The following RBFOX2 variants were observed in gnomAD, a reference collection of about 807,000 sequenced individuals.
RBFOX2 encodes RNA binding protein fox-1 homolog 2.
Under a neutral mutation model 49.1 loss-of-function variants are expected in RBFOX2, and 10 were observed. The observed-to-expected ratio is 0.20, with a 90% confidence interval of 0.13 to 0.35. The LOEUF (loss-of-function observed/expected upper bound fraction) is 0.35. Among genes scored for constraint, RBFOX2 ranks in the 10% least tolerant of loss-of-function variants. RBFOX2 has a pLI of 1.00. For missense variants in RBFOX2, 323 were observed against 486.9 expected (o/e 0.66, Z 3.17); for synonymous variants, 183 against 187.4 (o/e 0.98, Z 0.19).
At chr22:35,913,318 T>C (rs1048762723) in intron 1 of RBFOX2, among the ~76,000 whole-genome samples, 1 of 151,906 alleles carries the variant, frequency 6.6e-6, no homozygotes, top group African/African-American at 2.4e-5. Context: ...TCTCTATTTT[T>C]AAAAAGTAAA....
chr22:35,920,078 G>A (rs771196679), intron 1 of RBFOX2, among the ~76,000 whole-genome samples: 3 of 152,172 alleles, frequency 2.0e-5, no homozygotes, highest in Non-Finnish European at 2.9e-5. Context: ...GAGGATAAAC[G>A]ACAGCATAAA....
intron 1 of RBFOX2, among the ~76,000 whole-genome samples, chr22:35,937,631 C>T (rs2149732367): frequency 6.6e-6 from 1 of 152,318 alleles, no homozygotes. Flanking sequence ...CGCTCTATCA[C>T]TCAGGCTGGA....
chr22:35,836,911 T>C (rs186982623), intron 1 of RBFOX2, among the ~76,000 whole-genome samples: 6 of 152,362 alleles, frequency 3.9e-5, no homozygotes, highest in Admixed American at 3.9e-4. Flanking sequence ...TCATATTCCA[T>C]ATTGCTATTT....
At chr22:35,912,564 G>A (rs2049952586) in intron 1 of RBFOX2, among the ~76,000 whole-genome samples, 1 of 152,034 alleles carries the variant, frequency 6.6e-6, no homozygotes, top group Non-Finnish European at 1.5e-5. Context: ...TTAAAACAAG[G>A]GATGGATCCA....
chr22:36,004,252 C>T (rs2058540971), intron 1 of RBFOX2, among the ~76,000 whole-genome samples: 1 of 152,150 alleles, frequency 6.6e-6, no homozygotes, highest in African/African-American at 2.4e-5. Context: ...AACTGAGACT[C>T]CAAGTTCTTC....
intron 1 of RBFOX2, among the ~76,000 whole-genome samples, chr22:35,957,317 T>C (rs543958512): frequency 5.9e-5 from 9 of 152,094 alleles, no homozygotes; most frequent in Non-Finnish European, 1.3e-4. Flanking sequence ...AGAAACAGTA[T>C]CTTAGTTGTA....
At chr22:35,815,984 G>A (rs972856288) in intron 1 of RBFOX2, among the ~76,000 whole-genome samples, 1 of 152,022 alleles carries the variant, frequency 6.6e-6, no homozygotes, top group African/African-American at 2.4e-5. Flanking sequence ...AGCTGTCTGT[G>A]ACAAGAGGAA....
At chr22:35,858,420 C>A (rs1007765980) in intron 1 of RBFOX2, among the ~76,000 whole-genome samples, 3 of 152,186 alleles carry the variant, frequency 2.0e-5, no homozygotes, top group Non-Finnish European at 2.9e-5. Flanking sequence ...ATTTCTCTTT[C>A]CTCTGAACTT....
At chr22:35,767,045 T>C (rs1015254852) in intron 5 of RBFOX2, among the ~76,000 whole-genome samples, 2 of 152,008 alleles carry the variant, frequency 1.3e-5, no homozygotes, top group African/African-American at 4.8e-5. Context: ...GGGAAGGATG[T>C]AGGGGCAGGA....
chr22:36,001,226 C>T (rs952495520), intron 1 of RBFOX2, among the ~76,000 whole-genome samples: 1 of 119,348 alleles, frequency 8.4e-6, no homozygotes, highest in South Asian at 2.5e-4. Context: ...CACACACACA[C>T]ACACACACTA....
intron 1 of RBFOX2, among the ~76,000 whole-genome samples, chr22:35,951,396 C>T (rs1488215906): frequency 6.6e-6 from 1 of 151,914 alleles, no homozygotes; most frequent in African/African-American, 2.4e-5. Flanking sequence ...CAGGCATGTG[C>T]CACCACACCC....
intron 4 of RBFOX2, among the ~76,000 whole-genome samples, chr22:35,774,942 T>C: frequency 6.6e-6 from 1 of 152,206 alleles, no homozygotes; most frequent in Non-Finnish European, 1.5e-5. Context: ...GTTTTTCCAT[T>C]ACTGCTCTAA....
chr22:35,997,687 C>T (rs561833732), intron 1 of RBFOX2: 59 of 152,308 alleles, frequency 3.9e-4, no homozygotes, highest in African/African-American at 1.3e-3. Context: ...CCTTGGCCTC[C>T]CAGGCTTAAC....
intron 1 of RBFOX2, chr22:35,897,733 C>G: frequency 1.2e-6 from 1 of 814,816 alleles, no homozygotes. Flanking sequence ...GGGTATAGCA[C>G]CAAACCAACA....
chr22:35,900,398 G>C (rs888504715), intron 1 of RBFOX2, among the ~76,000 whole-genome samples: 1 of 151,826 alleles, frequency 6.6e-6, no homozygotes, highest in Admixed American at 6.6e-5. Context: ...GGTATACCGG[G>C]GGAGCCAGCA....
chr22:35,990,234 CA>C (rs2057916382), intron 1 of RBFOX2, among the ~76,000 whole-genome samples: 1 of 151,842 alleles, frequency 6.6e-6, no homozygotes, highest in Non-Finnish European at 1.5e-5. Flanking sequence ...AGGCAGGAGT[CA>C]AGGGTCTAGG....
intron 1 of RBFOX2, among the ~76,000 whole-genome samples, chr22:35,820,667 C>T (rs779647544): frequency 3.9e-5 from 6 of 152,102 alleles, no homozygotes; most frequent in Non-Finnish European, 5.9e-5. Flanking sequence ...CTTTGTATCC[C>T]AGTGGCTGCC....
intron 1 of RBFOX2, among the ~76,000 whole-genome samples, chr22:35,833,316 T>A (rs1195947098): frequency 6.6e-6 from 1 of 152,164 alleles, no homozygotes; most frequent in Non-Finnish European, 1.5e-5. Flanking sequence ...GTAGAAGACA[T>A]GAAACCACTC....
intron 2 of RBFOX2, among the ~76,000 whole-genome samples, chr22:35,804,560 T>C (rs1950347712): frequency 6.6e-6 from 1 of 152,040 alleles, no homozygotes; most frequent in Non-Finnish European, 1.5e-5. Context: ...TGACTTCTCA[T>C]CACAATCAGC....
Sources: allele counts gnomAD v4.1 joint callset (sites outside exome capture counted in the v4.1 genomes callset), GRCh38; gene constraint gnomAD v4.1.1; transcripts MANE v1.5; gene names NCBI Gene and HGNC (gene_info 2026-07-23, HGNC 2026-07-21).